Variants in PUM3 observed in about 807,000 individuals in gnomAD.
PUM3 encodes pumilio homolog 3.
Under a neutral mutation model 84.0 loss-of-function variants are expected in PUM3, and 91 were observed. The observed-to-expected ratio is 1.08, with a 90% CI of 0.91 to 1.29. The LOEUF (loss-of-function observed/expected upper bound fraction) is 1.29, where lower values mean the gene tolerates loss of function less well. PUM3 is among the 50% of genes most tolerant of loss of function. The pLI, the probability that PUM3 is intolerant of heterozygous loss-of-function variation, is 0.00. For synonymous variants in PUM3, 321 were observed against 266.7 expected (o/e 1.20, Z -1.98); for missense variants, 1,067 against 767.5 (o/e 1.39, Z -4.61).
rs776778822 is a variant in PUM3 at position 2,830,967 on chromosome 9, C to T, written c.672G>A (p.Met224Ile). The T allele has an allele frequency of 2.9e-5, 42 of 1,442,680 alleles. No individual in the cohort carries two copies. Among genetic ancestry groups the T allele is most frequent in the Non-Finnish European group, 3.8e-5 (39 of 1,033,690 alleles). 89.4% of individuals were successfully genotyped at this position (1,442,680 alleles called of 1,614,324 possible). A position where few individuals can be genotyped will look rare whatever the true frequency, so the allele number is the denominator to read the frequency against. ...TTATACATAAAACAACTTACCCATA[C>T]ATGAGAAATTTCTTAACAATATTTC... ...YSRNIVKKFLMYGSKPQIAEI... is the reference protein window; with the variant it reads ...YSRNIVKKFLIYGSKPQIAEI... Residue 224 changes from methionine to isoleucine, a missense_variant, in exon 7 of 18, where the codon ATG (methionine) becomes ATA (isoleucine). Met to Ile is a conservative substitution (Grantham distance 10). Coordinates refer to ENST00000397885, the MANE Select transcript of PUM3 (RefSeq NM_014878.5).
At chr9:2,811,032 T>G (rs1821356731) in intron 15 of PUM3, among the ~76,000 whole-genome samples, 1 of 152,180 alleles carries the variant, frequency 6.6e-6, no homozygotes, top group African/African-American at 2.4e-5. Flanking sequence ...CATTTGTTAA[T>G]ATGGTCAGGA....
intron 14 of PUM3, 21 bp from the exon 15 acceptor site, chr9:2,811,604 G>T: frequency 6.4e-7 from 1 of 1,573,890 alleles, no homozygotes; most frequent in Non-Finnish European, 8.7e-7. Flanking sequence ...TGTTGAACGG[G>T]GTATTAAGGT....
intron 10 of PUM3, among the ~76,000 whole-genome samples, chr9:2,826,774 A>C (rs1815833019): frequency 6.6e-6 from 1 of 152,142 alleles, no homozygotes; most frequent in Non-Finnish European, 1.5e-5. Context: ...ATGCTTGAAT[A>C]TTCCTCCACG....
intron 12 of PUM3, among the ~76,000 whole-genome samples, chr9:2,821,756 G>A (rs1239744399): frequency 6.6e-6 from 1 of 152,092 alleles, no homozygotes; most frequent in Non-Finnish European, 1.5e-5. Context: ...TCTAGTTCTA[G>A]GGATTTATCT....
At position 2,810,432 on chromosome 9, in the gene PUM3, C is replaced by A; in HGVS notation, c.1636-1G>T. On this transcript the variant is annotated splice_acceptor_variant, in intron 15 of 17. Transcript: ENST00000397885. LOFTEE classifies it high-confidence loss of function. ...CTGCAGGATGTTCTGCAATGTGAAGCTATGAAGGGTCAAGAACAGTTAATT... is the reference window on the plus strand; with the variant it reads ...CTGCAGGATGTTCTGCAATGTGAAGATATGAAGGGTCAAGAACAGTTAATT... 1 of 1,599,070 alleles carries A rather than the reference C, an allele frequency of 6.3e-7. No individual in the cohort carries two copies.
chr9:2,811,436 T>TA lies in PUM3; in HGVS notation c.1559_1560insT (p.Asp521ArgfsTer46). ...TGGCATTCATGGTAGGCTGAACGTCTCCAGTGGCAGATCCCAGAATGTCAG... is the reference window on the plus strand; with the variant it reads ...TGGCATTCATGGTAGGCTGAACGTCTACCAGTGGCAGATCCCAGAATGTCAG... On this transcript the variant is annotated frameshift_variant, in exon 15 of 18. Coordinates refer to ENST00000397885, the MANE Select transcript of PUM3 (RefSeq NM_014878.5). LOFTEE classifies it high-confidence loss of function. 6.2e-7 allele frequency: 1 copy of TA among 1,614,202 alleles called. No individual in the cohort carries two copies. Among genetic ancestry groups the TA allele is most frequent in the Non-Finnish European group, 8.5e-7 (1 of 1,180,028 alleles).
intron 1 of PUM3, among the ~76,000 whole-genome samples, chr9:2,839,649 T>C (rs558000144): frequency 1.3e-5 from 2 of 152,326 alleles, no homozygotes; most frequent in African/African-American, 4.8e-5. Context: ...TAATCTAGAC[T>C]TTTCTAATGA....
intron 15 of PUM3, 82 bp downstream of exon 15, chr9:2,811,279 C>T: frequency 8.7e-7 from 1 of 1,142,972 alleles, no homozygotes; most frequent in Admixed American, 1.8e-5. Context: ...CCCCAGCTTT[C>T]TTACTGACAC....
intron 3 of PUM3, 48 bp downstream of exon 3, chr9:2,837,132 G>C: frequency 6.7e-7 from 1 of 1,498,938 alleles, no homozygotes. Context: ...GAGTCCCTGT[G>C]CACAATCGTT....
chr9:2,842,232 C>G (rs966205583), intron 1 of PUM3, among the ~76,000 whole-genome samples: 11 of 152,086 alleles, frequency 7.2e-5, no homozygotes, highest in Admixed American at 1.3e-4. Flanking sequence ...CCTCTATTAC[C>G]CCATTCAGGC....
At chr9:2,842,163 T>C (rs1315671629) in intron 1 of PUM3, among the ~76,000 whole-genome samples, 1 of 152,222 alleles carries the variant, frequency 6.6e-6, no homozygotes. Context: ...CCCTGTACCT[T>C]CGTAATGAAT....
chr9:2,822,210 A>G (rs372276673), intron 12 of PUM3, among the ~76,000 whole-genome samples: 3 of 152,208 alleles, frequency 2.0e-5, no homozygotes, highest in Non-Finnish European at 4.4e-5. Context: ...CTAGAAAATA[A>G]TAAGTCAGTA....
intron 10 of PUM3, among the ~76,000 whole-genome samples, chr9:2,825,926 TAATTTCATC>T: frequency 6.6e-6 from 1 of 152,292 alleles, no homozygotes; most frequent in Non-Finnish European, 1.5e-5. Flanking sequence ...GGTAGGTGCC[TAATTTCATC>T]AATAAGGAAC....
In PUM3 at chr9:2,810,354, A is replaced by G. The variant is rs777592709; in HGVS notation, c.1713T>C (p.Asn571=). The change falls in exon 16 of 18, where the codon AAT becomes AAC. Residue 571 remains asparagine (N), a synonymous_variant. Transcript: ENST00000397885. ...AATTTCATAGCCTACCTTCTCTCCCATTTTCTTTCATCTTTTTATCTTGCT... is the reference window on the plus strand; with the variant it reads ...AATTTCATAGCCTACCTTCTCTCCCGTTTTCTTTCATCTTTTTATCTTGCT... The part of the protein sequence containing the change: ...LIEQDKKMKE[N]GREGCFAKTL... The G allele has an allele frequency of 6.2e-7, 1 of 1,601,716 alleles. No individual in the cohort carries two copies. The highest frequency in any genetic ancestry group is 2.2e-5 in the East Asian group (1 of 44,788).
At chr9:2,834,203 C>T (rs1329828790) in intron 3 of PUM3, 37 bp from the exon 4 acceptor site, 2 of 1,573,542 alleles carry the variant, frequency 1.3e-6, no homozygotes, top group African/African-American at 1.4e-5. Flanking sequence ...TTACATTTAA[C>T]ATTCTAAGTG....
At chr9:2,828,410 T>G (rs1815881521) in intron 9 of PUM3, 1 of 346,110 alleles carries the variant, frequency 2.9e-6, no homozygotes, top group Non-Finnish European at 5.3e-6. Context: ...ATGTAACATT[T>G]TATTTGGGGA....
chr9:2,830,746 G>C (rs1254032477), intron 7 of PUM3, among the ~76,000 whole-genome samples: 1 of 152,098 alleles, frequency 6.6e-6, no homozygotes, highest in Non-Finnish European at 1.5e-5. Context: ...CATTTCTCAT[G>C]TATCTTTTTA....
chr9:2,833,294 T>TA, intron 5 of PUM3, 63 bp downstream of exon 5: 1 of 807,770 alleles, frequency 1.2e-6, no homozygotes, highest in Non-Finnish European at 2.1e-6. Flanking sequence ...AATGGTCAGC[T>TA]ACTCCTGAGA....
intron 13 of PUM3, among the ~76,000 whole-genome samples, chr9:2,819,690 A>C: frequency 6.6e-6 from 1 of 152,322 alleles, no homozygotes; most frequent in African/African-American, 2.4e-5. Context: ...TTCTGATCAT[A>C]TCTAAATATC....
Sources: allele counts gnomAD v4.1 joint callset (sites outside exome capture counted in the v4.1 genomes callset), GRCh38; gene constraint gnomAD v4.1.1; transcripts MANE v1.5; gene names NCBI Gene and HGNC (gene_info 2026-07-23, HGNC 2026-07-21).